The following STOX2 variants were observed in gnomAD, a reference collection of about 807,000 sequenced individuals.
STOX2 encodes storkhead box 2, also known as storkhead-box protein 2.
In STOX2, 28 loss-of-function variants were observed where a neutral mutation model predicts 60.9. The ratio of observed to expected loss-of-function variants is 0.46; its 90% CI spans 0.34 to 0.63. STOX2 has a LOEUF of 0.63. STOX2 is among the 30% of genes least tolerant of loss of function. STOX2 has a pLI of 0.01. For synonymous variants in STOX2, 472 were observed against 463.9 expected (o/e 1.02, Z -0.22); for missense variants, 1,024 against 1,187.7 (o/e 0.86, Z 2.03).
chr4:183,957,148 TATAATAATAATAATA>T (rs57935070), intron 1 of STOX2, among the ~76,000 whole-genome samples: 55 of 142,760 alleles, frequency 3.9e-4, no homozygotes, highest in East Asian at 1.2e-3. Context: ...AAACTTAAAG[TATAATAATAATAATA>T]ATAATAATAA....
At chr4:183,810,132 C>T (rs116600047) in intron 1 of STOX2, among the ~76,000 whole-genome samples, 30 of 152,240 alleles carry the variant, frequency 2.0e-4, no homozygotes, top group Non-Finnish European at 3.1e-4. Context: ...TAAATAAACC[C>T]GGATTCTCTA....
At chr4:183,832,413 G>A (rs1739591075) in intron 1 of STOX2, among the ~76,000 whole-genome samples, 1 of 147,184 alleles carries the variant, frequency 6.8e-6, no homozygotes, top group African/African-American at 2.5e-5. Context: ...TCTAAGGAAT[G>A]TAATACTTCA....
intron 1 of STOX2, among the ~76,000 whole-genome samples, chr4:183,854,043 T>C (rs1256963490): frequency 6.6e-6 from 1 of 152,248 alleles, no homozygotes; most frequent in African/African-American, 2.4e-5. Flanking sequence ...TTCAAACCTT[T>C]ACTATACCAG....
At chr4:183,921,232 AAAG>A (rs1742091832) in intron 1 of STOX2, among the ~76,000 whole-genome samples, 2 of 152,254 alleles carry the variant, frequency 1.3e-5, no homozygotes. Flanking sequence ...AACTGGGGGC[AAAG>A]AAGAAGTTCT....
chr4:183,812,402 C>T (rs1034691210), intron 1 of STOX2, among the ~76,000 whole-genome samples: 8 of 152,140 alleles, frequency 5.3e-5, no homozygotes, highest in Admixed American at 2.6e-4. Context: ...TGCTTAATAC[C>T]TTTAAAAATG....
intron 1 of STOX2, among the ~76,000 whole-genome samples, chr4:183,826,701 G>A (rs763135991): frequency 6.6e-6 from 1 of 152,226 alleles, no homozygotes; most frequent in Non-Finnish European, 1.5e-5. Context: ...CGCAGGGTTT[G>A]CGGAGGCTTA....
chr4:183,895,001 T>C (rs1454987715), intron 1 of STOX2, among the ~76,000 whole-genome samples: 1 of 152,206 alleles, frequency 6.6e-6, no homozygotes, highest in Non-Finnish European at 1.5e-5. Flanking sequence ...TTTGTTTGGA[T>C]GACACAAACA....
intron 1 of STOX2, among the ~76,000 whole-genome samples, chr4:183,943,578 G>A (rs1227274612): frequency 1.3e-5 from 2 of 152,138 alleles, no homozygotes. Flanking sequence ...AATTTCAAAC[G>A]TACGAGAAGA....
Position 184,011,442 on chromosome 4 carries a change from G to T in STOX2, c.2585+19G>T. 6.3e-7 allele frequency: 1 copy of T among 1,597,622 alleles called. No homozygotes were observed. The highest frequency in any genetic ancestry group is 8.5e-7 in the Non-Finnish European group (1 of 1,172,022). On this transcript the variant is annotated intron_variant, in intron 3 of 3. Transcript: ENST00000308497. The surrounding 1 kb of genome is among the most constrained non-coding windows in gnomAD (Gnocchi z 4.4). ...CCCCACGGTAGGGAGAGGTGTCTCT[G>T]TGCACACACATGCGCCTAGCGGGGC...
At chr4:183,892,484 A>T (rs1007198241) in intron 1 of STOX2, among the ~76,000 whole-genome samples, 2 of 152,140 alleles carry the variant, frequency 1.3e-5, no homozygotes, top group South Asian at 2.1e-4. Context: ...GTTTCACCGT[A>T]TTAGCCAGGA....
intron 1 of STOX2, among the ~76,000 whole-genome samples, chr4:183,967,743 G>T (rs76394662): frequency 8.6e-4 from 131 of 152,292 alleles, no homozygotes; most frequent in African/African-American, 3.0e-3. Context: ...TCCTGTGTTG[G>T]ATTAAAAAGA....
intron 1 of STOX2, among the ~76,000 whole-genome samples, chr4:183,931,178 C>T (rs1376405261): frequency 2.0e-5 from 3 of 152,104 alleles, no homozygotes; most frequent in African/African-American, 7.2e-5. Flanking sequence ...AATCCCAGCA[C>T]TTTGGGAGGC....
intron 1 of STOX2, chr4:183,798,101 C>T (rs1738670125): frequency 4.1e-6 from 5 of 1,220,660 alleles, no homozygotes; most frequent in Middle Eastern, 3.1e-4. Context: ...CCCACCGGAT[C>T]GCGTCCGTGC....
chr4:184,013,261 G>A (rs1348545507), intron 3 of STOX2, among the ~76,000 whole-genome samples: 1 of 152,210 alleles, frequency 6.6e-6, no homozygotes, highest in African/African-American at 2.4e-5. Flanking sequence ...GGTAAACAGA[G>A]ATATTCATGA....
intron 1 of STOX2, among the ~76,000 whole-genome samples, chr4:183,908,592 G>GTTTTTTTTTTTTTTTTTTTTTTTTTT (rs10671305): frequency 1.6e-5 from 2 of 126,714 alleles, no homozygotes; most frequent in Non-Finnish European, 1.6e-5. Flanking sequence ...CAGGCAGCCA[G>GTTTTTTTTTTTTTTTTTTTTTTTTTT]TTTTTTTTTT....
chr4:183,849,370 C>T (rs752188112), intron 1 of STOX2, among the ~76,000 whole-genome samples: 20 of 152,190 alleles, frequency 1.3e-4, no homozygotes, highest in Non-Finnish European at 2.4e-4. Flanking sequence ...GGGCTTGATC[C>T]TGAGCATTGG....
chr4:183,799,049 C>T (rs183986433), intron 1 of STOX2, among the ~76,000 whole-genome samples: 124 of 152,310 alleles, frequency 8.1e-4, no homozygotes, highest in Admixed American at 1.3e-3. Flanking sequence ...TGTAAAGCCG[C>T]CTTTTCTCGT....
intron 1 of STOX2, among the ~76,000 whole-genome samples, chr4:183,820,204 C>T (rs996407606): frequency 6.6e-6 from 1 of 152,170 alleles, no homozygotes; most frequent in Admixed American, 6.5e-5. Flanking sequence ...GGATTGTAAG[C>T]GTGAGCCACC....
intron 1 of STOX2, among the ~76,000 whole-genome samples, chr4:183,927,560 CT>C: frequency 6.6e-6 from 1 of 151,982 alleles, no homozygotes; most frequent in Non-Finnish European, 1.5e-5. Flanking sequence ...ACAATCTCCC[CT>C]GACCTATAGG....
Sources: gnomAD v4.1 joint callset for allele counts (sites outside exome capture counted in the v4.1 genomes callset) on GRCh38, gnomAD v4.1.1 for gene constraint, Gnocchi (gnomAD v3.1) non-coding constraint, MANE v1.5 for transcripts, NCBI Gene and HGNC (gene_info 2026-07-23, HGNC 2026-07-21) for gene names.